Variants in CCND3 observed in about 807,000 individuals in gnomAD.
The protein encoded by CCND3 is G1/S-specific cyclin-D3.
CCND3 carries 9 observed loss-of-function variants against 28.7 expected under a neutral mutation model. That is an observed-to-expected ratio of 0.31 (90% CI 0.19 to 0.55). The LOEUF is 0.55. CCND3 is among the 20% of genes least tolerant of loss of function. The pLI is 0.93. For synonymous variants in CCND3, 164 were observed against 163.9 expected (o/e 1.00, Z 0.00); for missense variants, 315 against 385.8 (o/e 0.82, Z 1.54).
In CCND3 at chr6:41,941,785, G is replaced by C. The variant is rs1561953417; in HGVS notation, c.-136C>G. On this transcript the variant is annotated 5_prime_UTR_variant, in exon 1 of 5. Transcript: ENST00000372991. The surrounding 1 kb of genome is among the most constrained non-coding windows in gnomAD (Gnocchi z 6.1). ...CGGATCCCCAGCCCGCCCGCCGCCC[G>C]CGCGCGCGCGCCGCTTCCCTGACAG... 0.017 allele frequency: 39 copies of C among 2,310 alleles called. No homozygotes were observed. Among genetic ancestry groups the C allele is most frequent in the African/African-American group, 0.14 (6 of 42 alleles). The allele number at this position is 2,310 out of a possible 1,614,324, so 0.1% of individuals were successfully genotyped here.
intron 1 of CCND3, among the ~76,000 whole-genome samples, chr6:42,025,281 G>C (rs1340571623): frequency 6.6e-6 from 1 of 152,182 alleles, no homozygotes; most frequent in Non-Finnish European, 1.5e-5. Flanking sequence ...GGCCCAGGAA[G>C]CCAAGCCCCA....
intron 1 of CCND3, among the ~76,000 whole-genome samples, chr6:41,980,243 C>T (rs1163881086): frequency 1.3e-5 from 2 of 152,112 alleles, no homozygotes; most frequent in East Asian, 1.9e-4. Context: ...TCAAGTGATC[C>T]TCCTGCCTCA....
At chr6:41,989,263 G>A (rs907660151) in intron 1 of CCND3, among the ~76,000 whole-genome samples, 3 of 151,546 alleles carry the variant, frequency 2.0e-5, no homozygotes, top group East Asian at 1.9e-4. Context: ...GTTCGAGATC[G>A]GCCTGGCCAA....
intron 1 of CCND3, among the ~76,000 whole-genome samples, chr6:41,977,207 C>T (rs998896279): frequency 2.6e-5 from 4 of 152,068 alleles, no homozygotes; most frequent in Admixed American, 6.6e-5. Context: ...ATTTCAAAGA[C>T]CAATAAAATT....
chr6:41,969,503 G>A (rs537807543), intron 1 of CCND3, among the ~76,000 whole-genome samples: 1 of 151,800 alleles, frequency 6.6e-6, no homozygotes, highest in South Asian at 2.1e-4. Context: ...GTGACAGAGT[G>A]AGACTCGGAC....
At chr6:42,018,878 C>G (rs968905330) in intron 1 of CCND3, among the ~76,000 whole-genome samples, 1 of 124,420 alleles carries the variant, frequency 8.0e-6, no homozygotes, top group South Asian at 2.7e-4. Context: ...GCAGCAAGAG[C>G]GAAACTCCAT....
At chr6:41,941,984 G>A (rs1027483786), upstream of CCND3, 1 of 165,148 alleles carries the variant, frequency 6.1e-6, no homozygotes, top group Non-Finnish European at 1.3e-5. This position sits in a 1 kb window ranked among gnomAD's most constrained non-coding sequence, Gnocchi z 6.1. Flanking sequence ...GGCACTCCAG[G>A]CCCTCTGGAC....
Position 41,940,371 on chromosome 6 carries a change from C to T in CCND3, c.413G>A (p.Arg138Gln). 1.2e-6 allele frequency: 2 copies of T among 1,613,466 alleles called. No individual in the cohort carries two copies. The highest frequency in any genetic ancestry group is 1.1e-5 in the South Asian group (1 of 91,074). ...TDHAVSPRQLRDWEVLVLGKL... is the reference protein window; with the variant it reads ...TDHAVSPRQLQDWEVLVLGKL... ...GGGTGGGGGGAGTTACACACGCACC[C>T]GCAACTGGCGGGGAGAGACAGCGTG... Residue 138 changes from arginine (R) to glutamine (Q), a missense_variant and splice_region_variant, in exon 2 of 5, where the codon CGG (arginine) becomes CAG (glutamine). Physicochemically the swap from Arg to Gln is conservative, Grantham distance 43 (BLOSUM62 1). Transcript: ENST00000372991.
Position 41,936,147 on chromosome 6 carries a change from C to A in CCND3, c.712-40G>T, listed in dbSNP as rs781708411. 6.5e-7 allele frequency: 1 copy of A among 1,529,548 alleles called. No homozygotes were observed. Among genetic ancestry groups the A allele is most frequent in the Non-Finnish European group, 8.8e-7 (1 of 1,138,072 alleles). The allele number at this position is 1,529,548 out of a possible 1,614,324, so 94.7% of individuals were successfully genotyped here. A position where few individuals can be genotyped will look rare whatever the true frequency, so the allele number is the denominator to read the frequency against. ...GAAGAGTGAGGAGCAAACACTCCCC[C>A]CATAGCATCTGGCAGCAGGTGCAGG... On this transcript the variant is annotated intron_variant, in intron 4 of 4. Transcript: ENST00000372991. The surrounding 1 kb of genome is among the most constrained non-coding windows in gnomAD (Gnocchi z 4.4).
At chr6:41,940,317 C>CT (rs1775950958) in intron 2 of CCND3, 53 bp downstream of exon 2, 14 of 1,487,234 alleles carry the variant, frequency 9.4e-6, no homozygotes, top group Middle Eastern at 3.5e-4. Flanking sequence ...TTTCCTTTTC[C>CT]TGGAAAGTGG....
intron 1 of CCND3, among the ~76,000 whole-genome samples, chr6:41,997,019 T>C (rs1042697365): frequency 2.6e-5 from 4 of 152,110 alleles, no homozygotes; most frequent in Non-Finnish European, 5.9e-5. Flanking sequence ...GGCCTGCACC[T>C]AGAAAGATAT....
chr6:41,941,523 A>C lies in CCND3; in HGVS notation c.127T>G (p.Ser43Ala). The change falls in exon 1 of 5, where the codon TCC becomes GCC. Residue 43 changes from serine to alanine, a missense_variant. Physicochemically the swap from Ser to Ala is moderately conservative, Grantham distance 99. Transcript: ENST00000372991. This position sits in a 1 kb window ranked among gnomAD's most constrained non-coding sequence, Gnocchi z 6.1. ...RLEERYVPRA[S>A]YFQCVQREIK... ...TCCCGCTGCACGCACTGGAAGTAGGAGGCGCGGGGTACGTAGCGCTCCTCC... is the reference window on the plus strand; with the variant it reads ...TCCCGCTGCACGCACTGGAAGTAGGCGGCGCGGGGTACGTAGCGCTCCTCC... 6.2e-7 allele frequency: 1 copy of C among 1,605,826 alleles called. No homozygotes were observed. The highest frequency in any genetic ancestry group is 8.5e-7 in the Non-Finnish European group (1 of 1,177,932).
At chr6:41,996,813 C>T (rs887834263) in intron 1 of CCND3, among the ~76,000 whole-genome samples, 3 of 151,922 alleles carry the variant, frequency 2.0e-5, no homozygotes, top group South Asian at 2.1e-4. Flanking sequence ...TGCAGGTGTG[C>T]GCCACCATGT....
chr6:42,023,662 G>A (rs1415413472), intron 1 of CCND3, among the ~76,000 whole-genome samples: 1 of 151,922 alleles, frequency 6.6e-6, no homozygotes, highest in Non-Finnish European at 1.5e-5. Flanking sequence ...TATCCTTTGG[G>A]TACCTGTGAA....
intron 1 of CCND3, among the ~76,000 whole-genome samples, chr6:41,990,813 T>C (rs1486678178): frequency 2.0e-5 from 3 of 151,856 alleles, no homozygotes; most frequent in African/African-American, 7.3e-5. Context: ...CCAGGGTAGC[T>C]GGGACTACAG....
intron 1 of CCND3, among the ~76,000 whole-genome samples, chr6:42,031,900 C>CCCAAG (rs1764057405): frequency 6.6e-6 from 1 of 151,544 alleles, no homozygotes; most frequent in Non-Finnish European, 1.5e-5. Context: ...AGCGATTCTC[C>CCCAAG]TGCCCCAGCC....
intron 1 of CCND3, among the ~76,000 whole-genome samples, chr6:41,975,493 AC>A (rs1228523939): frequency 6.6e-6 from 1 of 151,886 alleles, no homozygotes; most frequent in East Asian, 1.9e-4. Flanking sequence ...ACAGTGGCAC[AC>A]CCCCACGGCC....
chr6:42,026,181 C>T (rs1047845410), intron 1 of CCND3, among the ~76,000 whole-genome samples: 10 of 152,324 alleles, frequency 6.6e-5, no homozygotes, highest in African/African-American at 1.9e-4. Flanking sequence ...TGCCTCGACC[C>T]TGCTCACATT....
intron 1 of CCND3, among the ~76,000 whole-genome samples, chr6:41,997,743 G>A (rs1056695399): frequency 6.6e-6 from 1 of 151,992 alleles, no homozygotes; most frequent in Non-Finnish European, 1.5e-5. Flanking sequence ...GTTATGGCAT[G>A]AGAATCTGGC....
Sources: allele counts gnomAD v4.1 joint callset (sites outside exome capture counted in the v4.1 genomes callset), GRCh38; gene constraint gnomAD v4.1.1; non-coding constraint Gnocchi (gnomAD v3.1); transcripts MANE v1.5; gene names NCBI Gene and HGNC (gene_info 2026-07-23, HGNC 2026-07-21).